The following CDH20 variants were observed in gnomAD, a reference collection of about 807,000 sequenced individuals.
The protein encoded by CDH20 is cadherin 20, also known as cadherin-20.
In CDH20, 29 loss-of-function variants were observed where a neutral mutation model predicts 74.2. That is an observed-to-expected ratio of 0.39 (90% CI 0.29 to 0.53). CDH20 has a LOEUF of 0.53. Among genes scored for constraint, CDH20 ranks in the 20% least tolerant of loss-of-function variants. The probability of loss-of-function intolerance (pLI) is 0.69; values close to 1 mark genes in which losing one functional copy is unlikely to be tolerated. For missense variants in CDH20, 988 were observed against 1,048.3 expected, an observed-to-expected ratio of 0.94 and a Z score of 0.79; for synonymous variants, 469 against 405.4, an observed-to-expected ratio of 1.16 and a Z score of -1.88.
chr18:61,488,999 C>A (rs1281495519), intron 1 of CDH20, among the ~76,000 whole-genome samples: 1 of 152,194 alleles, frequency 6.6e-6, no homozygotes, highest in Non-Finnish European at 1.5e-5. Context: ...ACCCATTGCC[C>A]TCAATGAGGT....
chr18:61,439,043 A>G (rs1336673181), intron 1 of CDH20, among the ~76,000 whole-genome samples: 1 of 152,132 alleles, frequency 6.6e-6, no homozygotes, highest in Admixed American at 6.6e-5. Flanking sequence ...GTGGGGGCAA[A>G]ACATTGGGTA....
intron 1 of CDH20, among the ~76,000 whole-genome samples, chr18:61,365,230 G>C (rs1274404304): frequency 6.6e-6 from 1 of 152,128 alleles, no homozygotes; most frequent in African/African-American, 2.4e-5. Context: ...GCAGCATCTT[G>C]GAAAGGATTC....
chr18:61,391,288 G>C (rs1419756098), intron 1 of CDH20, among the ~76,000 whole-genome samples: 1 of 152,126 alleles, frequency 6.6e-6, no homozygotes, highest in Admixed American at 6.5e-5. Flanking sequence ...CTATTAGCCA[G>C]CTAAAATTAA....
intron 3 of CDH20, among the ~76,000 whole-genome samples, chr18:61,500,101 T>TAAAAAAAA (rs1911314668): frequency 2.1e-5 from 1 of 48,326 alleles, no homozygotes; most frequent in Non-Finnish European, 3.5e-5. Context: ...AGACTCCATC[T>TAAAAAAAA]TAAAAAAAAA....
At chr18:61,523,582 G>A (rs1449332082) in intron 6 of CDH20, among the ~76,000 whole-genome samples, 2 of 152,068 alleles carry the variant, frequency 1.3e-5, no homozygotes, top group East Asian at 1.9e-4. Context: ...TATACCCAAA[G>A]GATTATAAAA....
At chr18:61,483,831 A>G (rs1255648476) in intron 1 of CDH20, among the ~76,000 whole-genome samples, 12 of 152,210 alleles carry the variant, frequency 7.9e-5, no homozygotes, top group African/African-American at 2.7e-4. Context: ...TAAATGACAA[A>G]CAGAGACATA....
At chr18:61,417,957 T>C (rs1440587582) in intron 1 of CDH20, among the ~76,000 whole-genome samples, 1 of 152,114 alleles carries the variant, frequency 6.6e-6, no homozygotes, top group Non-Finnish European at 1.5e-5. Context: ...CCATAATAAC[T>C]AAAAATTAAA....
chr18:61,538,578 CTTTTTG>C (rs1203514927), intron 8 of CDH20, among the ~76,000 whole-genome samples: 372 of 34,802 alleles, frequency 0.011, 31 homozygotes, highest in South Asian at 0.024. Context: ...TAAATAACTA[CTTTTTG>C]TTTGTTTGTT....
At chr18:61,543,607 C>T (rs1224122790) in intron 9 of CDH20, among the ~76,000 whole-genome samples, 2 of 152,210 alleles carry the variant, frequency 1.3e-5, no homozygotes, top group South Asian at 2.1e-4. Flanking sequence ...GAGGAAGCCA[C>T]CTGACCTCCT....
chr18:61,533,515 T>C (rs918105112), intron 7 of CDH20, among the ~76,000 whole-genome samples: 4 of 152,242 alleles, frequency 2.6e-5, no homozygotes, highest in Admixed American at 2.6e-4. Flanking sequence ...ATTGAGTTAT[T>C]TATATATTTT....
At chr18:61,378,900 G>A (rs1212086134) in intron 1 of CDH20, among the ~76,000 whole-genome samples, 1 of 152,042 alleles carries the variant, frequency 6.6e-6, no homozygotes, top group Non-Finnish European at 1.5e-5. Flanking sequence ...ACTCAGGGTT[G>A]TTTGCCAGGA....
At chr18:61,490,054 T>G (rs1260006441) in intron 1 of CDH20, among the ~76,000 whole-genome samples, 1 of 152,162 alleles carries the variant, frequency 6.6e-6, no homozygotes, top group East Asian at 1.9e-4. Context: ...TTTTAAGAGT[T>G]TAAGAGCCTG....
intron 1 of CDH20, among the ~76,000 whole-genome samples, chr18:61,390,497 T>C (rs966418604): frequency 6.6e-6 from 1 of 152,134 alleles, no homozygotes; most frequent in Non-Finnish European, 1.5e-5. Flanking sequence ...AAAATCCATT[T>C]TGAAGAATAA....
chr18:61,500,416 C>A lies in CDH20; in HGVS notation c.575C>A (p.Ala192Glu), dbSNP rs773099480. 6.2e-7 allele frequency: 1 copy of A among 1,612,694 alleles called. No individual in the cohort carries two copies. Among genetic ancestry groups the A allele is most frequent in the African/African-American group, 1.3e-5 (1 of 74,920 alleles). Residue 192 changes from alanine to glutamate, a missense_variant, in exon 4 of 12, where the codon GCA (alanine) becomes GAA (glutamate). Physicochemically the swap from Ala to Glu is moderately radical, Grantham distance 107. This residue lies in a region of CDH20 where 613 missense variants were observed against 755.2 expected (regional missense o/e 0.81). Transcript: ENST00000262717. ...GTCATCCAAGTGACAGCCACAGATG[C>A]AGATGACCCGACCTACGGCAACAGT... ...TSVIQVTATD[A>E]DDPTYGNSAR...
chr18:61,461,482 T>C (rs1182291234), intron 1 of CDH20, among the ~76,000 whole-genome samples: 1 of 152,096 alleles, frequency 6.6e-6, no homozygotes, highest in East Asian at 1.9e-4. Context: ...CAGGCATCCC[T>C]TGGTGTGTAG....
intron 1 of CDH20, among the ~76,000 whole-genome samples, chr18:61,421,395 G>A (rs920677455): frequency 4.6e-5 from 7 of 152,094 alleles, no homozygotes; most frequent in African/African-American, 1.7e-4. Context: ...GTTATCACCA[G>A]AGGCATAACT....
chr18:61,506,446 C>T (rs557494131), intron 5 of CDH20, among the ~76,000 whole-genome samples: 2 of 152,240 alleles, frequency 1.3e-5, no homozygotes, highest in South Asian at 2.1e-4. Context: ...AACTTGAGCC[C>T]TCACACCTGA....
chr18:61,481,016 C>T (rs1322848748), intron 1 of CDH20, among the ~76,000 whole-genome samples: 1 of 152,154 alleles, frequency 6.6e-6, no homozygotes, highest in African/African-American at 2.4e-5. Flanking sequence ...AAAGTAAAAG[C>T]TTGAAGGTAG....
At chr18:61,417,053 T>C (rs557351048) in intron 1 of CDH20, among the ~76,000 whole-genome samples, 16 of 152,336 alleles carry the variant, frequency 1.1e-4, no homozygotes, top group Admixed American at 9.8e-4. Context: ...AAAATAACTA[T>C]TTTCCTTTAG....
Sources: gnomAD v4.1 joint callset for allele counts (sites outside exome capture counted in the v4.1 genomes callset) on GRCh38, gnomAD v4.1.1 for gene constraint, gnomAD v4.1.1 regional missense constraint, MANE v1.5 for transcripts, NCBI Gene and HGNC (gene_info 2026-07-23, HGNC 2026-07-21) for gene names.